Variants in ITGAL observed in about 807,000 individuals in gnomAD.
ITGAL encodes integrin subunit alpha L.
In ITGAL, 68 loss-of-function variants were observed where a neutral mutation model predicts 138.4. That is an observed-to-expected ratio of 0.49 (90% CI 0.40 to 0.60). The LOEUF (loss-of-function observed/expected upper bound fraction) is 0.60. ITGAL is among the 20% of genes least tolerant of loss of function. The probability of loss-of-function intolerance (pLI) is 0.00; values close to 1 mark genes in which losing one functional copy is unlikely to be tolerated. For synonymous variants in ITGAL, 561 were observed against 584.3 expected (o/e 0.96, Z 0.57); for missense variants, 1,256 against 1,478.6 (o/e 0.85, Z 2.47).
chr16:30,505,239 C>G lies in ITGAL; in HGVS notation c.2236-5C>G, dbSNP rs1158423909. ...TCTCCATCCTGCCCACTACCCCTCG[C>G]TCAGCAGGGCAAGGACATACCGCCC... On this transcript the variant is annotated splice_region_variant and splice_polypyrimidine_tract_variant and intron_variant, in intron 18 of 30. Coordinates refer to ENST00000356798, the MANE Select transcript of ITGAL (RefSeq NM_002209.3). 1 of 1,594,034 alleles carries G rather than the reference C, an allele frequency of 6.3e-7. No homozygotes were observed. Among genetic ancestry groups the G allele is most frequent in the Non-Finnish European group, 8.6e-7 (1 of 1,166,494 alleles).
At chr16:30,473,965 A>G in intron 1 of ITGAL, 1 of 670,872 alleles carries the variant, frequency 1.5e-6, no homozygotes, top group Non-Finnish European at 2.7e-6. Context: ...TTTTTTGCAG[A>G]GAGGCCAAAC....
chr16:30,488,398 G>A (rs1193826317), intron 9 of ITGAL, among the ~76,000 whole-genome samples: 1 of 151,844 alleles, frequency 6.6e-6, no homozygotes, highest in Non-Finnish European at 1.5e-5. Flanking sequence ...TGGACACATG[G>A]AGATGAGTAA....
chr16:30,496,269 G>C lies in ITGAL; in HGVS notation c.1676G>C (p.Gly559Ala). 1 of 1,601,988 alleles carries C rather than the reference G, an allele frequency of 6.2e-7. No individual in the cohort carries two copies. The highest frequency in any genetic ancestry group is 1.3e-5 in the African/African-American group (1 of 74,550). ...GTGTACATCTTCAATGGGAGGCACGGGGGGCTTAGTCCCCAGCCAAGTCAG... is the reference window on the plus strand; with the variant it reads ...GTGTACATCTTCAATGGGAGGCACGCGGGGCTTAGTCCCCAGCCAAGTCAG... ...GAVYIFNGRH[G>A]GLSPQPSQRI... Residue 559 changes from glycine (G) to alanine (A), a missense_variant, in exon 14 of 31, where the codon GGG becomes GCG. By Grantham distance (60) the Gly-to-Ala change is moderately conservative. Coordinates refer to ENST00000356798, the MANE Select transcript of ITGAL (RefSeq NM_002209.3).
chr16:30,521,328 G>A (rs1343488020), intron 30 of ITGAL, among the ~76,000 whole-genome samples, 164 bp from the exon 31 acceptor site: 1 of 151,176 alleles, frequency 6.6e-6, no homozygotes, highest in Admixed American at 6.6e-5. Context: ...AATTGCTTAA[G>A]TCTGGGAGGC....
Position 30,498,902 on chromosome 16 carries a change from A to T in ITGAL, c.1833-172A>T, listed in dbSNP as rs2050843297. 9.8e-6 allele frequency: 6 copies of T among 614,426 alleles called. No individual in the cohort carries two copies. The South Asian group carries it at 1.3e-4, about 13-fold the overall frequency. The allele number at this position is 614,426 out of a possible 1,614,324, so 38.1% of individuals were successfully genotyped here. On this transcript the variant is annotated intron_variant, in intron 15 of 30. Coordinates refer to ENST00000356798, the MANE Select transcript of ITGAL (RefSeq NM_002209.3). ...GGCAACAGGGTGAGACCCTCTCTCA[A>T]AATAAATAAATAAAAAGTATCATTA...
At chr16:30,495,831 A>G (rs2050790664) in intron 13 of ITGAL, among the ~76,000 whole-genome samples, 1 of 152,104 alleles carries the variant, frequency 6.6e-6, no homozygotes, top group Non-Finnish European at 1.5e-5. Flanking sequence ...CCTGTGCGAC[A>G]GAGCAAGACT....
At chr16:30,474,109 C>T in intron 1 of ITGAL, 87 bp from the exon 2 acceptor site, 1 of 984,232 alleles carries the variant, frequency 1.0e-6, no homozygotes, top group Non-Finnish European at 1.6e-6. Flanking sequence ...GGAGCGACAT[C>T]CGGGTGGGCC....
intron 14 of ITGAL, 42 bp from the exon 15 acceptor site, chr16:30,496,394 T>A (rs1167826975): frequency 3.7e-6 from 6 of 1,613,690 alleles, no homozygotes; most frequent in Non-Finnish European, 5.1e-6. Flanking sequence ...CCCTCCAACC[T>A]ACCTCTCCTC....
At position 30,500,521 on chromosome 16, in the gene ITGAL, T is replaced by C. The variant is rs373380385; in HGVS notation, c.2145+1032T>C. 2.2e-4 allele frequency among the ~76,000 whole-genome samples: 34 copies of C among 152,130 alleles called. 1 individual carries two copies. The East Asian group carries it at 5.6e-3, about 25-fold the overall frequency. On this transcript the variant is annotated intron_variant, in intron 17 of 30. Transcript: ENST00000356798. ...AGTGCACACCACTGTGCCTGGCTGC[T>C]TCTAGGTTTTTAATTTTTTTAATTT... is the stretch of plus-strand genomic sequence containing the variant.
At position 30,494,219 on chromosome 16, in the gene ITGAL, C is replaced by T. The variant is rs768669649; in HGVS notation, c.1221C>T (p.Thr407=). ...PEVRAGYLGY[T]VTWLPSRQKT... The stretch of plus-strand genomic sequence containing the variant: ...CCCACACACTTTCCTCAGGTTACAC[C>T]GTGACCTGGCTGCCCTCCCGGCAAA... Residue 407 remains threonine (T), a synonymous_variant, in exon 12 of 31, where the codon ACC becomes ACT. Transcript: ENST00000356798. The surrounding 1 kb of genome is among the most constrained non-coding windows in gnomAD (Gnocchi z 4.2). The T allele has an allele frequency of 2.1e-5, 33 of 1,606,460 alleles. No homozygotes were observed. Among genetic ancestry groups the T allele is most frequent in the Middle Eastern group, 1.7e-4 (1 of 6,046 alleles).
Position 30,489,163 on chromosome 16 carries a change from C to G in ITGAL, c.1080+8C>G. Reference sequence around the variant, plus strand: ...AGTGCTGACCTCAGCAGGGTGCGTGCTGGGCTGGAGCAATGGGCTGCAGGG... The same window carrying G: ...AGTGCTGACCTCAGCAGGGTGCGTGGTGGGCTGGAGCAATGGGCTGCAGGG... On this transcript the variant is annotated splice_region_variant and intron_variant, in intron 10 of 30. Coordinates refer to ENST00000356798, the MANE Select transcript of ITGAL (RefSeq NM_002209.3). 1 of 1,614,030 alleles carries G rather than the reference C, an allele frequency of 6.2e-7. No individual in the cohort carries two copies. The highest frequency in any genetic ancestry group is 8.5e-7 in the Non-Finnish European group (1 of 1,179,956).
intron 20 of ITGAL, among the ~76,000 whole-genome samples, chr16:30,505,758 C>A (rs944925758): frequency 6.6e-6 from 1 of 152,150 alleles, no homozygotes; most frequent in Admixed American, 6.5e-5. Flanking sequence ...GTGGCTCATG[C>A]CTGTATTCCC....
chr16:30,490,555 C>T (rs775270611), intron 11 of ITGAL, among the ~76,000 whole-genome samples: 4 of 152,174 alleles, frequency 2.6e-5, no homozygotes, highest in Non-Finnish European at 4.4e-5. Context: ...CCCTCTCTGG[C>T]CCTGCATGGC....
In ITGAL at chr16:30,474,250, C is replaced by T; in HGVS notation, c.116C>T (p.Pro39Leu). The T allele has an allele frequency of 6.2e-7, 1 of 1,609,058 alleles. No individual in the cohort carries two copies. The highest frequency in any genetic ancestry group is 8.5e-7 in the Non-Finnish European group (1 of 1,177,848). The change falls in exon 2 of 31, where the codon CCG becomes CTG. Residue 39 changes from proline to leucine, a missense_variant. By Grantham distance (98) the Pro-to-Leu change is moderately conservative (BLOSUM62 -3). Around this residue, in one of 3 missense-constraint regions of ITGAL, gnomAD observed 212 missense variants for 217.4 expected, o/e 0.98. Coordinates refer to ENST00000356798, the MANE Select transcript of ITGAL (RefSeq NM_002209.3). ...DVRGARSFSP[P>L]RAGRHFGYRV... ...CGGGGCGCGCGGAGCTTCTCCCCAC[C>T]GCGCGCCGGGAGGCACTTTGGATAC...
At chr16:30,488,926 C>A in intron 9 of ITGAL, 156 bp from the exon 10 acceptor site, 1 of 650,864 alleles carries the variant, frequency 1.5e-6, no homozygotes, top group Non-Finnish European at 2.8e-6. Context: ...AAGCCAACTC[C>A]GCATTAAGCC....
At position 30,489,247 on chromosome 16, in the gene ITGAL, T is replaced by A; in HGVS notation, c.1081-7T>A. ...TAGCTGACCCGCTCATCTCCTTCCCTGGGCAGGGCCATGCAGTCGTGGGGG... is the reference window on the plus strand; with the variant it reads ...TAGCTGACCCGCTCATCTCCTTCCCAGGGCAGGGCCATGCAGTCGTGGGGG... On this transcript the variant is annotated splice_region_variant and splice_polypyrimidine_tract_variant and intron_variant, in intron 10 of 30. Transcript: ENST00000356798. 1 of 1,614,018 alleles carries A rather than the reference T, an allele frequency of 6.2e-7. No homozygotes were observed. Among genetic ancestry groups the A allele is most frequent in the Non-Finnish European group, 8.5e-7 (1 of 1,179,934 alleles).
rs145361724 is a variant in ITGAL at position 30,510,813 on chromosome 16, A to G, written c.2620-68A>G. 1.8e-4 allele frequency: 214 copies of G among 1,206,428 alleles called. 3 individuals are homozygous for G. The African/African-American group carries it at 2.7e-3, about 15-fold the overall frequency. The allele number at this position is 1,206,428 out of a possible 1,614,324, so 74.7% of individuals were successfully genotyped here. ...AGGGGTCCCTGAGATGATGGTGATT[A>G]GATGTGGGGGCCATGAGGCTGCTCC... On this transcript the variant is annotated intron_variant, in intron 22 of 30. Transcript: ENST00000356798.
chr16:30,494,259 G>T lies in ITGAL; in HGVS notation c.1261G>T (p.Ala421Ser), dbSNP rs960052424. Residue 421 changes from alanine (A) to serine (S), a missense_variant, in exon 12 of 31, where the codon GCC becomes TCC. By Grantham distance (99) the Ala-to-Ser change is moderately conservative (BLOSUM62 1). This residue lies in a region of ITGAL where 867 missense variants were observed against 972.5 expected (regional missense o/e 0.89). Transcript: ENST00000356798. The surrounding 1 kb of genome is among the most constrained non-coding windows in gnomAD (Gnocchi z 4.2). ...LPSRQKTSLL[A>S]SGAPRYQHMG... Reference sequence around the variant, plus strand: ...CTCCCGGCAAAAGACTTCGTTGCTGGCCTCGGGAGCCCCTCGATACCAGCA... The same window carrying T: ...CTCCCGGCAAAAGACTTCGTTGCTGTCCTCGGGAGCCCCTCGATACCAGCA... The T allele has an allele frequency of 3.7e-6, 6 of 1,612,810 alleles. No individual in the cohort carries two copies. The African/African-American group carries it at 4.0e-5, about 11-fold the overall frequency.
At chr16:30,517,556 C>T (rs2051185976) in intron 26 of ITGAL, 93 bp from the exon 27 acceptor site, 2 of 1,044,742 alleles carry the variant, frequency 1.9e-6, no homozygotes, top group Non-Finnish European at 3.0e-6. Flanking sequence ...CTGAACTCAC[C>T]CAGGGCCAGG....
Sources: gnomAD v4.1 joint callset for allele counts (sites outside exome capture counted in the v4.1 genomes callset) on GRCh38, gnomAD v4.1.1 for gene constraint, gnomAD v4.1.1 regional missense constraint, Gnocchi (gnomAD v3.1) non-coding constraint, MANE v1.5 for transcripts, NCBI Gene and HGNC (gene_info 2026-07-23, HGNC 2026-07-21) for gene names.